The following SLA variants were observed in gnomAD, a reference collection of about 807,000 sequenced individuals.
SLA encodes the protein Src like adaptor, also known as src-like-adapter.
SLA carries 16 observed loss-of-function variants against 30.3 expected under a neutral mutation model. That is an observed-to-expected ratio of 0.53 (90% CI 0.36 to 0.80). The LOEUF (loss-of-function observed/expected upper bound fraction) is 0.80, where lower values mean the gene tolerates loss of function less well. SLA is among the 30% of genes least tolerant of loss of function. The pLI, the probability that SLA is intolerant of heterozygous loss-of-function variation, is 0.01. For missense variants in SLA, 310 were observed against 345.2 expected (o/e 0.90, Z 0.81); for synonymous variants, 143 against 137.8 (o/e 1.04, Z -0.26).
At chr8:133,095,500 C>T (rs13256652) in intron 1 of SLA, among the ~76,000 whole-genome samples, 1 of 152,190 alleles carries the variant, frequency 6.6e-6, no homozygotes, top group East Asian at 1.9e-4. Context: ...AAAATGAAGT[C>T]ACACATGTGA....
intron 3 of SLA, among the ~76,000 whole-genome samples, chr8:133,056,679 C>T (rs1416008949): frequency 6.6e-6 from 1 of 152,236 alleles, no homozygotes; most frequent in Non-Finnish European, 1.5e-5. Flanking sequence ...CCTCGTGGGG[C>T]TGTGAGAATC....
intron 1 of SLA, among the ~76,000 whole-genome samples, chr8:133,093,261 G>A (rs1847873547): frequency 6.6e-6 from 1 of 152,062 alleles, no homozygotes. Context: ...ATTGACGCTT[G>A]TTCCTTGGGT....
At chr8:133,095,243 C>T in intron 1 of SLA, 1 of 1,614,060 alleles carries the variant, frequency 6.2e-7, no homozygotes, top group East Asian at 2.2e-5. Flanking sequence ...AAGGGACATT[C>T]TCTGGTCTTT....
rs373480832 is a variant in SLA, at chr8:133,040,097, G to A, written c.518C>T (p.Thr173Met). ...AGCCGTGCTTTGTGTCAGGCAGGGC[G>A]TGGTGAGCACACAGCACAGGCCATC... ...VADGLCCVLT[T>M]PCLTQSTAAP... The change falls in exon 8 of 9, where the codon ACG becomes ATG. Residue 173 changes from threonine (T) to methionine (M), a missense_variant. By Grantham distance (81) the Thr-to-Met change is moderately conservative. Transcript: ENST00000338087. 91 of 1,570,946 alleles carry A rather than the reference G, an allele frequency of 5.8e-5. No homozygotes were observed. The highest frequency in any genetic ancestry group is 1.3e-4 in the Admixed American group (7 of 53,028).
chr8:133,068,583 T>C (rs891970814), intron 2 of SLA, among the ~76,000 whole-genome samples: 2 of 152,202 alleles, frequency 1.3e-5, no homozygotes, highest in Non-Finnish European at 2.9e-5. Context: ...GGTGTTCTCA[T>C]GGAAGGATTG....
chr8:133,079,243 T>C (rs1845381747), intron 1 of SLA, among the ~76,000 whole-genome samples: 1 of 152,136 alleles, frequency 6.6e-6, no homozygotes, highest in Non-Finnish European at 1.5e-5. Flanking sequence ...GTACCATCTG[T>C]GTAGGAAGCA....
At position 133,045,856 on chromosome 8, in the gene SLA, C is replaced by T. The variant is rs114296514; in HGVS notation, c.353-741G>A. Among the ~76,000 whole-genome samples the T allele has an allele frequency of 9.0e-3, 1,369 of 152,208 alleles. 21 individuals carry two copies. Among genetic ancestry groups the T allele is most frequent in the African/African-American group, 0.031 (1,281 of 41,524 alleles). ...CCAAGATGTGATCCCTACTGTTTTG[C>T]TCTTTCAGCCCCTGTCCCACCAATG... On this transcript the variant is annotated intron_variant, in intron 6 of 8. Coordinates refer to ENST00000338087, the MANE Select transcript of SLA (RefSeq NM_001045556.3).
chr8:133,097,478 G>A (rs917419554), intron 1 of SLA, among the ~76,000 whole-genome samples: 1 of 152,188 alleles, frequency 6.6e-6, no homozygotes, highest in Non-Finnish European at 1.5e-5. Flanking sequence ...TAAATATTAT[G>A]CAGATATTAA....
chr8:133,047,288 A>G (rs919897486), intron 6 of SLA: 12 of 153,350 alleles, frequency 7.8e-5, no homozygotes, highest in African/African-American at 2.9e-4. Context: ...GTGAGAGGAC[A>G]CATGTGATTC....
intron 1 of SLA, among the ~76,000 whole-genome samples, chr8:133,095,507 G>A (rs1452755674): frequency 3.3e-5 from 5 of 152,220 alleles, no homozygotes; most frequent in African/African-American, 4.8e-5. Context: ...AGTCACACAT[G>A]TGAAGGATTT....
intron 3 of SLA, among the ~76,000 whole-genome samples, chr8:133,057,800 T>C (rs1255990325): frequency 1.3e-5 from 2 of 148,798 alleles, no homozygotes; most frequent in East Asian, 1.9e-4. Flanking sequence ...AAAAAACAGA[T>C]GGGTAAAGCC....
intron 2 of SLA, among the ~76,000 whole-genome samples, chr8:133,073,437 C>T (rs989282940): frequency 2.0e-5 from 3 of 152,150 alleles, no homozygotes; most frequent in Admixed American, 2.0e-4. Context: ...CTCACTGCAA[C>T]CTGCAACCTC....
intron 2 of SLA, among the ~76,000 whole-genome samples, chr8:133,073,760 G>A (rs890020562): frequency 1.3e-5 from 2 of 151,938 alleles, no homozygotes; most frequent in Non-Finnish European, 2.9e-5. Context: ...CTCTGCATCC[G>A]CTTGTTCTCG....
intron 4 of SLA, 178 bp from the exon 5 acceptor site, chr8:133,050,166 G>A (rs1840142712): frequency 4.9e-6 from 3 of 617,356 alleles, no homozygotes; most frequent in South Asian, 1.8e-5. Flanking sequence ...TAAAGGATAT[G>A]TGTCCAGTGG....
At chr8:133,042,594 A>G (rs1838464522) in intron 7 of SLA, among the ~76,000 whole-genome samples, 1 of 151,324 alleles carries the variant, frequency 6.6e-6, no homozygotes, top group African/African-American at 2.4e-5. Context: ...TAATTTGCCT[A>G]AAGGCATCAT....
chr8:133,042,351 G>A (rs998910909), intron 7 of SLA, among the ~76,000 whole-genome samples: 61 of 152,028 alleles, frequency 4.0e-4, no homozygotes, highest in African/African-American at 1.4e-3. Context: ...TATATTGAAG[G>A]GTTCCTAGAC....
chr8:133,081,548 G>A (rs924901412), intron 1 of SLA, among the ~76,000 whole-genome samples: 1 of 151,972 alleles, frequency 6.6e-6, no homozygotes, highest in African/African-American at 2.4e-5. Flanking sequence ...AGAATCTTCG[G>A]GAGGTCTTTT....
At chr8:133,101,581 T>C (rs1849260694) in intron 1 of SLA, among the ~76,000 whole-genome samples, 1 of 151,900 alleles carries the variant, frequency 6.6e-6, no homozygotes, top group African/African-American at 2.4e-5. Context: ...TCAATTGCAG[T>C]AAATTGCCAC....
At position 133,088,028 on chromosome 8, in the gene SLA, A is replaced by G. The variant is rs1210460263; in HGVS notation, c.-318-12898T>C. Reference sequence around the variant, plus strand: ...AATGATTAAGAAAGTAGCGGTTTCAATAATATTGGTTCTTCCTACTTCCTA... The same window carrying G: ...AATGATTAAGAAAGTAGCGGTTTCAGTAATATTGGTTCTTCCTACTTCCTA... On this transcript the variant is annotated intron_variant, in intron 1 of 8. Transcript: ENST00000338087. Among the ~76,000 whole-genome samples, 4 of 152,232 alleles carry G rather than the reference A, an allele frequency of 2.6e-5. 1 individual carries two copies. The highest frequency in any genetic ancestry group is 1.5e-5 in the Non-Finnish European group (1 of 68,040).
Sources: allele counts gnomAD v4.1 joint callset (sites outside exome capture counted in the v4.1 genomes callset), GRCh38; gene constraint gnomAD v4.1.1; transcripts MANE v1.5; gene names NCBI Gene and HGNC (gene_info 2026-07-23, HGNC 2026-07-21).